ATG7: variants seen among roughly 807,000 people sequenced by gnomAD.
ATG7 encodes the protein ubiquitin-like modifier-activating enzyme ATG7.
Under a neutral mutation model 82.4 loss-of-function variants are expected in ATG7, and 70 were observed. The observed-to-expected ratio is 0.85, with a 90% CI of 0.70 to 1.04. ATG7 has a LOEUF of 1.04. Among genes scored for constraint, ATG7 ranks in the 50% least tolerant of loss-of-function variants. The pLI is 0.00. For synonymous variants in ATG7, 287 were observed against 313.0 expected (o/e 0.92, Z 0.88); for missense variants, 792 against 864.3 (o/e 0.92, Z 1.05).
intron 16 of ATG7, 47 bp downstream of exon 16, chr3:11,360,831 G>A (rs758009672): frequency 3.1e-6 from 5 of 1,593,502 alleles, no homozygotes; most frequent in South Asian, 1.1e-5. Flanking sequence ...TCACCAACTT[G>A]TACACTGAGG....
chr3:11,457,393 A>T (rs1416962942), intron 20 of ATG7, among the ~76,000 whole-genome samples: 1 of 152,176 alleles, frequency 6.6e-6, no homozygotes, highest in Admixed American at 6.5e-5. Flanking sequence ...AATGACACAC[A>T]CAAGATAGAG....
intron 18 of ATG7, among the ~76,000 whole-genome samples, chr3:11,371,280 A>G (rs9653970): frequency 0.78 from 118,015 of 150,636 alleles, 47,474 homozygotes; most frequent in East Asian, 0.98. Flanking sequence ...GGGGACGTAG[A>G]ACAGGCAGAA....
At chr3:11,459,498 G>GTTT (rs10706461) in intron 20 of ATG7, among the ~76,000 whole-genome samples, 7 of 147,692 alleles carry the variant, frequency 4.7e-5, no homozygotes, top group African/African-American at 1.7e-4. Context: ...GGAGCCAAGT[G>GTTT]TTTTTTTTTT....
chr3:11,417,801 T>TTA (rs1491552105), intron 19 of ATG7, among the ~76,000 whole-genome samples: 68 of 29,656 alleles, frequency 2.3e-3, no homozygotes, highest in East Asian at 0.022. Context: ...ATTATTATTA[T>TTA]TTTATTTTAT....
chr3:11,563,153 A>C, the ATG7 span, among the ~76,000 whole-genome samples: 1 of 150,394 alleles, frequency 6.6e-6, no homozygotes, highest in Admixed American at 6.6e-5. Context: ...ATGTGGGCAG[A>C]GATAGCTTGT....
At chr3:11,522,486 C>T (rs1300742983) in intron 20 of ATG7, among the ~76,000 whole-genome samples, 1 of 152,126 alleles carries the variant, frequency 6.6e-6, no homozygotes, top group African/African-American at 2.4e-5. Flanking sequence ...GCGGATGAGC[C>T]TCATACTGTG....
At chr3:11,435,707 T>A (rs1384765346) in intron 20 of ATG7, among the ~76,000 whole-genome samples, 1 of 152,184 alleles carries the variant, frequency 6.6e-6, no homozygotes, top group Non-Finnish European at 1.5e-5. Flanking sequence ...CTTGGGTTAT[T>A]TACTTCATTG....
At chr3:11,485,096 C>T (rs2089469875) in intron 20 of ATG7, among the ~76,000 whole-genome samples, 2 of 152,270 alleles carry the variant, frequency 1.3e-5, no homozygotes, top group South Asian at 4.1e-4. Context: ...ATTTCTAGTT[C>T]TAGGTCCCTG....
Position 11,313,418 on chromosome 3 carries a change from C to T in ATG7, c.526C>T (p.Gln176Ter). ...VGLDQRFSLKQIEALECAYDN... is the reference protein window; with the variant it reads ...VGLDQRFSLK ...TTTGGATCAAAGGTTTTCACTAAAA[C>T]AGGTATCAACAAATAACCAAAATGC... Residue 176 changes from glutamine (Q) to a stop codon, truncating the protein, a stop_gained and splice_region_variant, in exon 8 of 21, where the codon CAG (glutamine) becomes TAG (stop). Coordinates refer to ENST00000693202, the MANE Select transcript of ATG7 (RefSeq NM_001349232.2). LOFTEE classifies it high-confidence loss of function. 6.3e-7 allele frequency: 1 copy of T among 1,595,448 alleles called. No individual in the cohort carries two copies. Among genetic ancestry groups the T allele is most frequent in the South Asian group, 1.1e-5 (1 of 88,892 alleles).
intron 20 of ATG7, among the ~76,000 whole-genome samples, chr3:11,455,696 C>T (rs182011668): frequency 6.6e-6 from 1 of 152,124 alleles, no homozygotes; most frequent in Non-Finnish European, 1.5e-5. Context: ...CAGAGTTAGC[C>T]CGAGCTGGCC....
rs750800751 is a variant in ATG7, at chr3:11,363,137, C to T, written c.1799+209C>T. ...TTGTGGCCACATTTCTGCATCTTTC[C>T]GGACAAAGTCACTATGGTTTATTTT... On this transcript the variant is annotated intron_variant, in intron 17 of 20. Coordinates refer to ENST00000693202, the MANE Select transcript of ATG7 (RefSeq NM_001349232.2). The T allele has an allele frequency of 1.3e-4, 67 of 525,906 alleles. 1 individual carries two copies. The highest frequency in any genetic ancestry group is 7.0e-4 in the South Asian group (33 of 46,910). The allele number at this position is 525,906 out of a possible 1,614,324, so 32.6% of individuals were successfully genotyped here.
At chr3:11,502,047 T>G (rs2091370183) in intron 20 of ATG7, among the ~76,000 whole-genome samples, 1 of 119,910 alleles carries the variant, frequency 8.3e-6, no homozygotes, top group Non-Finnish European at 1.8e-5. Context: ...TACACACATA[T>G]GTTTATATAT....
chr3:11,355,529 A>G (rs1285836711), intron 14 of ATG7, among the ~76,000 whole-genome samples: 1 of 152,196 alleles, frequency 6.6e-6, no homozygotes, highest in African/African-American at 2.4e-5. Flanking sequence ...ACACAAAGCA[A>G]CTTGTTTTTA....
At chr3:11,404,410 C>T (rs1019042920) in intron 19 of ATG7, among the ~76,000 whole-genome samples, 9 of 151,932 alleles carry the variant, frequency 5.9e-5, no homozygotes, top group South Asian at 2.1e-4. Context: ...TGCTGGGATA[C>T]GGGCATGAGC....
intron 20 of ATG7, among the ~76,000 whole-genome samples, chr3:11,518,343 C>T (rs936843797): frequency 1.3e-5 from 2 of 152,042 alleles, no homozygotes; most frequent in African/African-American, 2.4e-5. Flanking sequence ...TCAAAGAGAT[C>T]GAGACCAGCT....
rs1246064965 is a variant in ATG7, at chr3:11,299,446, T to TA, written c.215+33dup. ...GTATTTATTTGTTCAAAATCTGAAG[T>TA]AAAGAATACTACTTTTGGCAAGGAA... is the stretch of plus-strand genomic sequence containing the variant. On this transcript the variant is annotated intron_variant, in intron 5 of 20. Transcript: ENST00000693202. 2.5e-6 allele frequency: 4 copies of TA among 1,575,758 alleles called. No homozygotes were observed. The African/African-American group carries it at 5.4e-5, about 21-fold the overall frequency.
intron 20 of ATG7, among the ~76,000 whole-genome samples, chr3:11,436,700 CT>C (rs1483177218): frequency 6.6e-6 from 1 of 152,128 alleles, no homozygotes; most frequent in Non-Finnish European, 1.5e-5. Context: ...AAAATGTCAG[CT>C]ATTACGCTGG....
rs994664968 is a variant in ATG7 at position 11,545,644 on chromosome 3, G to A, written c.2080-9167G>A. Among the ~76,000 whole-genome samples the A allele has an allele frequency of 7.2e-5, 11 of 152,054 alleles. No individual in the cohort carries two copies. The East Asian group carries it at 1.2e-3, about 16-fold the overall frequency. On this transcript the variant is annotated intron_variant, in intron 20 of 20. Coordinates refer to ENST00000693202, the MANE Select transcript of ATG7 (RefSeq NM_001349232.2). ...CAGCCCTGTCCCCTCTCTGGGCCTC[G>A]GGGCTGTGCTTGGGCTCCGTGTCCC...
intron 20 of ATG7, among the ~76,000 whole-genome samples, chr3:11,433,771 A>G: frequency 6.6e-6 from 1 of 152,214 alleles, no homozygotes; most frequent in East Asian, 1.9e-4. Context: ...ATTACAGTGC[A>G]CCATTAATAT....
Sources: gnomAD v4.1 joint callset for allele counts (sites outside exome capture counted in the v4.1 genomes callset) on GRCh38, gnomAD v4.1.1 for gene constraint, MANE v1.5 for transcripts, NCBI Gene and HGNC (gene_info 2026-07-23, HGNC 2026-07-21) for gene names.